Variants in GRIK4 observed in about 807,000 individuals in gnomAD.
GRIK4 encodes the protein glutamate receptor ionotropic, kainate 4.
A neutral mutation model predicts 104.9 loss-of-function variants in GRIK4; 40 were observed. The observed-to-expected ratio is 0.38, with a 90% CI of 0.30 to 0.50. The LOEUF is 0.50. Among genes scored for constraint, GRIK4 ranks in the 20% least tolerant of loss-of-function variants. GRIK4 has a pLI of 0.93. For synonymous variants in GRIK4, 485 were observed against 524.9 expected, an observed-to-expected ratio of 0.92 and a Z score of 1.04; for missense variants, 1,047 against 1,308.1, an observed-to-expected ratio of 0.80 and a Z score of 3.08.
intron 11 of GRIK4, among the ~76,000 whole-genome samples, chr11:120,884,353 C>T (rs571901250): frequency 4.6e-5 from 7 of 152,282 alleles, no homozygotes; most frequent in African/African-American, 7.2e-5. Flanking sequence ...CTTTGTGTGC[C>T]GTATTCCCGG....
At chr11:120,575,881 C>G (rs1007064641) in intron 1 of GRIK4, 1 of 151,824 alleles carries the variant, frequency 6.6e-6, no homozygotes, top group Non-Finnish European at 1.5e-5. Flanking sequence ...GAGGATCACT[C>G]GAGCCCAGGA....
chr11:120,644,067 A>AG (rs1488926111), intron 1 of GRIK4, among the ~76,000 whole-genome samples: 111 of 143,914 alleles, frequency 7.7e-4, no homozygotes, highest in Non-Finnish European at 1.2e-3. Context: ...GAGGAGAGAG[A>AG]GAGAGAGAGA....
chr11:120,819,811 C>G lies in GRIK4; in HGVS notation c.402C>G (p.Phe134Leu). ...TCGTCAAGTTCCAGTTCCAGAGATTCACAACCCTGAACCTCCACCCCAGCA... is the reference window on the plus strand; with the variant it reads ...TCGTCAAGTTCCAGTTCCAGAGATTGACAACCCTGAACCTCCACCCCAGCA... ...EEFVKFQFQR[F>L]TTLNLHPSNT... The change falls in exon 6 of 21, where the codon TTC becomes TTG. Residue 134 changes from phenylalanine to leucine, a missense_variant. By Grantham distance (22) the Phe-to-Leu change is conservative. Coordinates refer to ENST00000527524, the MANE Select transcript of GRIK4 (RefSeq NM_014619.5). The surrounding 1 kb of genome is among the most constrained non-coding windows in gnomAD (Gnocchi z 4.3). 6.2e-7 allele frequency: 1 copy of G among 1,614,160 alleles called. No individual in the cohort carries two copies. Among genetic ancestry groups the G allele is most frequent in the East Asian group, 2.2e-5 (1 of 44,882 alleles).
chr11:120,519,428 C>G (rs1947769879), intron 1 of GRIK4, among the ~76,000 whole-genome samples: 1 of 152,080 alleles, frequency 6.6e-6, no homozygotes, highest in Non-Finnish European at 1.5e-5. Context: ...CCTCACCGCT[C>G]CCACCGTGTG....
intron 3 of GRIK4, among the ~76,000 whole-genome samples, chr11:120,743,100 G>A (rs1467036226): frequency 1.3e-5 from 2 of 151,908 alleles, no homozygotes; most frequent in African/African-American, 4.8e-5. Context: ...TGTGGTGGCG[G>A]GTGCCTGTAA....
intron 1 of GRIK4, among the ~76,000 whole-genome samples, chr11:120,572,190 GTCTCCTTCTTGAGGGCTCCACCC>G (rs1023723147): frequency 5.3e-5 from 8 of 152,168 alleles, no homozygotes; most frequent in Non-Finnish European, 1.0e-4. Flanking sequence ...AGAGGCACGA[GTCTCCTTCTTGAGGGCTCCACCC>G]TCCTGATCTA....
chr11:120,788,432 A>G (rs1952332348), intron 3 of GRIK4, among the ~76,000 whole-genome samples: 1 of 152,158 alleles, frequency 6.6e-6, no homozygotes, highest in Non-Finnish European at 1.5e-5. Flanking sequence ...GATGAACTGG[A>G]TGGTCTGGTC....
At chr11:120,751,863 G>A (rs1052352655) in intron 3 of GRIK4, among the ~76,000 whole-genome samples, 1 of 152,190 alleles carries the variant, frequency 6.6e-6, no homozygotes, top group Non-Finnish European at 1.5e-5. Flanking sequence ...TTCTCCCGGT[G>A]AAGGTTCCTG....
intron 1 of GRIK4, among the ~76,000 whole-genome samples, chr11:120,627,204 A>G (rs1949271620): frequency 6.6e-6 from 1 of 152,222 alleles, no homozygotes; most frequent in Non-Finnish European, 1.5e-5. Context: ...GTTGATGATA[A>G]ACATTATGGA....
chr11:120,748,684 G>A (rs1195903268), intron 3 of GRIK4, among the ~76,000 whole-genome samples: 3 of 152,154 alleles, frequency 2.0e-5, no homozygotes, highest in Non-Finnish European at 4.4e-5. Flanking sequence ...CACACCTAGT[G>A]ACCATTCACA....
intron 10 of GRIK4, 84 bp from the exon 11 acceptor site, chr11:120,875,055 A>G (rs1368452850): frequency 1.2e-6 from 1 of 859,104 alleles, no homozygotes; most frequent in South Asian, 1.4e-5. Context: ...GGCATCCTTA[A>G]ATAGCCCCTG....
chr11:120,574,979 G>T (rs568185996), intron 1 of GRIK4, among the ~76,000 whole-genome samples: 2 of 152,318 alleles, frequency 1.3e-5, no homozygotes, highest in East Asian at 3.9e-4. Flanking sequence ...TATATCTTCT[G>T]CAAAGAACTC....
chr11:120,596,360 T>A (rs1222569043), intron 1 of GRIK4, among the ~76,000 whole-genome samples: 1 of 152,038 alleles, frequency 6.6e-6, no homozygotes, highest in Non-Finnish European at 1.5e-5. Flanking sequence ...GTAAAAAAAA[T>A]GCAACGTGAT....
At chr11:120,654,522 C>G (rs1356089898) in intron 2 of GRIK4, among the ~76,000 whole-genome samples, 5 of 152,062 alleles carry the variant, frequency 3.3e-5, no homozygotes, top group South Asian at 4.2e-4. Flanking sequence ...GCCATCACAC[C>G]CGGCTAACTT....
In GRIK4 at chr11:120,775,706, T is replaced by C. The variant is rs549316166; in HGVS notation, c.83-26987T>C. The stretch of plus-strand genomic sequence containing the variant: ...CAGAGCCTGTGGCCGGCACTTTCTT[T>C]GCAGTTTCTTATTTAAACCTGATGA... On this transcript the variant is annotated intron_variant, in intron 3 of 20. Coordinates refer to ENST00000527524, the MANE Select transcript of GRIK4 (RefSeq NM_014619.5). Among the ~76,000 whole-genome samples, 24 of 152,368 alleles carry C rather than the reference T, an allele frequency of 1.6e-4. No homozygotes were observed. The East Asian group carries it at 4.4e-3, about 28-fold the overall frequency.
intron 8 of GRIK4, among the ~76,000 whole-genome samples, chr11:120,838,402 AG>A (rs1953631880): frequency 6.6e-6 from 1 of 152,274 alleles, no homozygotes; most frequent in Non-Finnish European, 1.5e-5. Context: ...CATTATATTT[AG>A]AAAAATATAT....
At chr11:120,906,700 A>G (rs1179196592) in intron 13 of GRIK4, among the ~76,000 whole-genome samples, 2 of 152,254 alleles carry the variant, frequency 1.3e-5, no homozygotes, top group African/African-American at 4.8e-5. Context: ...AGGGATTGGG[A>G]AAAGTCCTAT....
intron 1 of GRIK4, among the ~76,000 whole-genome samples, chr11:120,602,870 T>C (rs924996735): frequency 1.3e-5 from 2 of 152,106 alleles, no homozygotes; most frequent in African/African-American, 4.8e-5. Flanking sequence ...GCCTGGCTAA[T>C]TTTTTTATGT....
At chr11:120,929,726 C>T (rs571860544) in intron 13 of GRIK4, among the ~76,000 whole-genome samples, 87 of 152,256 alleles carry the variant, frequency 5.7e-4, no homozygotes, top group African/African-American at 1.9e-3. Flanking sequence ...AGCATGGGGC[C>T]CTTCCTCTTC....
Sources: gnomAD v4.1 joint callset for allele counts (sites outside exome capture counted in the v4.1 genomes callset) on GRCh38, gnomAD v4.1.1 for gene constraint, Gnocchi (gnomAD v3.1) non-coding constraint, MANE v1.5 for transcripts, NCBI Gene and HGNC (gene_info 2026-07-23, HGNC 2026-07-21) for gene names.